UTRN: variants seen among roughly 807,000 people sequenced by gnomAD.
UTRN encodes utrophin.
A neutral mutation model predicts 463.9 loss-of-function variants in UTRN; 283 were observed. The observed-to-expected ratio is 0.61, with a 90% confidence interval of 0.55 to 0.67. The LOEUF (loss-of-function observed/expected upper bound fraction) is 0.67, where lower values mean the gene tolerates loss of function less well. Ranked by LOEUF, UTRN falls within the 30% of genes least tolerant of loss-of-function variation. UTRN has a pLI of 0.00. For missense variants in UTRN, 3,922 were observed against 4,084.3 expected (o/e 0.96, Z 1.08); for synonymous variants, 1,442 against 1,431.5 (o/e 1.01, Z -0.17).
intron 2 of UTRN, chr6:144,311,555 AG>A (rs1806268138): frequency 6.6e-6 from 1 of 152,266 alleles, no homozygotes; most frequent in Non-Finnish European, 1.5e-5. Flanking sequence ...ATGTCACTCA[AG>A]CTGTCTGCAC....
chr6:144,394,228 T>C (rs1440891799), intron 2 of UTRN, among the ~76,000 whole-genome samples: 1 of 152,164 alleles, frequency 6.6e-6, no homozygotes, highest in Non-Finnish European at 1.5e-5. Flanking sequence ...TAGTCTCTTC[T>C]TATGCTGCTA....
At chr6:144,429,106 A>G (rs1052373703) in intron 8 of UTRN, among the ~76,000 whole-genome samples, 1 of 152,212 alleles carries the variant, frequency 6.6e-6, no homozygotes, top group African/African-American at 2.4e-5. Context: ...ATTTAACTAC[A>G]GCACTGGACA....
intron 64 of UTRN, among the ~76,000 whole-genome samples, chr6:144,800,079 TA>T (rs767860052): frequency 1.1e-4 from 17 of 152,208 alleles, no homozygotes; most frequent in Non-Finnish European, 2.1e-4. Flanking sequence ...TAGATATATA[TA>T]AAATCTGCCA....
At chr6:144,686,473 T>C (rs1160656170) in intron 52 of UTRN, among the ~76,000 whole-genome samples, 2 of 152,138 alleles carry the variant, frequency 1.3e-5, no homozygotes, top group Non-Finnish European at 2.9e-5. Flanking sequence ...ATGTGTCTAG[T>C]GCTGTCAGTA....
chr6:144,725,147 A>G (rs1787725018), intron 53 of UTRN, among the ~76,000 whole-genome samples: 1 of 152,178 alleles, frequency 6.6e-6, no homozygotes, highest in Admixed American at 6.5e-5. Context: ...GGTTTTTCCC[A>G]TGCTGTTTTT....
Position 144,793,836 on chromosome 6 carries a change from C to G in UTRN, c.8923C>G (p.Leu2975Val). The G allele has an allele frequency of 6.2e-7, 1 of 1,613,040 alleles. No individual in the cohort carries two copies. Among genetic ancestry groups the G allele is most frequent in the Non-Finnish European group, 8.5e-7 (1 of 1,179,556 alleles). The stretch of plus-strand genomic sequence containing the variant: ...TAACCTCTTGCCTCTCTTTGCAGAT[C>G]TCTTTAAGGAAGTTGCAGGGCCAAC... The part of the protein sequence containing the change: ...KGLLEEKYRY[L>V]FKEVAGPTEM... The change falls in exon 63 of 75, where the codon CTC becomes GTC. Residue 2975 changes from leucine to valine, a missense_variant and splice_region_variant. Physicochemically the swap from Leu to Val is conservative, Grantham distance 32 (BLOSUM62 1). Transcript: ENST00000367545.
chr6:144,840,864 C>T (rs569631335), intron 73 of UTRN, 32 bp downstream of exon 73: 619 of 1,610,900 alleles, frequency 3.8e-4, no homozygotes, highest in Non-Finnish European at 5.1e-4. Context: ...ACCACAGCTG[C>T]ACGTGTTCCT....
At chr6:144,758,548 C>T (rs555642554) in intron 58 of UTRN, among the ~76,000 whole-genome samples, 221 of 152,240 alleles carry the variant, frequency 1.5e-3, no homozygotes, top group African/African-American at 4.8e-3. Context: ...AGCATAGGCT[C>T]ATCATTCTTT....
intron 34 of UTRN, among the ~76,000 whole-genome samples, chr6:144,507,945 T>C (rs1794825482): frequency 6.6e-6 from 1 of 152,120 alleles, no homozygotes; most frequent in Admixed American, 6.5e-5. Context: ...GCCACCCTTC[T>C]TTCAGAGATC....
At chr6:144,713,570 C>T (rs1442846951) in intron 53 of UTRN, among the ~76,000 whole-genome samples, 1 of 150,078 alleles carries the variant, frequency 6.7e-6, no homozygotes, top group Non-Finnish European at 1.5e-5. Flanking sequence ...GCCAAGATCA[C>T]AGCATTGTAC....
intron 56 of UTRN, among the ~76,000 whole-genome samples, chr6:144,752,174 G>A (rs1251301389): frequency 6.6e-6 from 1 of 152,138 alleles, no homozygotes; most frequent in African/African-American, 2.4e-5. Context: ...CTATTCATAT[G>A]ATATTTGTAG....
At chr6:144,757,048 G>A (rs900526675) in intron 57 of UTRN, among the ~76,000 whole-genome samples, 1 of 151,994 alleles carries the variant, frequency 6.6e-6, no homozygotes, top group African/African-American at 2.4e-5. Context: ...AACTGGCTAC[G>A]TGAGGATCTG....
Position 144,708,847 on chromosome 6 carries a change from G to A in UTRN, c.7809+8604G>A, listed in dbSNP as rs561960128. ...AGGCTGGGCTCACAGTTCCAGAGGC[G>A]GGGAAGTTCAAATCAAGGGCCTGTA... On this transcript the variant is annotated intron_variant, in intron 53 of 74. Coordinates refer to ENST00000367545, the MANE Select transcript of UTRN (RefSeq NM_007124.3). Among the ~76,000 whole-genome samples, 4 of 152,228 alleles carry A rather than the reference G, an allele frequency of 2.6e-5. No homozygotes were observed. In the South Asian group the frequency reaches 6.2e-4, roughly 24 times the overall value.
intron 51 of UTRN, among the ~76,000 whole-genome samples, chr6:144,635,290 A>G (rs1777001031): frequency 6.6e-6 from 1 of 151,526 alleles, no homozygotes; most frequent in Non-Finnish European, 1.5e-5. Context: ...AGCTGGGACC[A>G]CAGGCACACA....
intron 65 of UTRN, among the ~76,000 whole-genome samples, chr6:144,817,485 A>C (rs1779190686): frequency 6.6e-6 from 1 of 152,106 alleles, no homozygotes; most frequent in Non-Finnish European, 1.5e-5. Flanking sequence ...TATATTTATT[A>C]TGGTAAGTGG....
chr6:144,461,281 A>T lies in UTRN; in HGVS notation c.2792A>T (p.Gln931Leu). 6.2e-7 allele frequency: 1 copy of T among 1,607,430 alleles called. No individual in the cohort carries two copies. The highest frequency in any genetic ancestry group is 1.3e-5 in the African/African-American group (1 of 74,948). The change falls in exon 22 of 75, where the codon CAG becomes CTG. Residue 931 changes from glutamine (Q) to leucine (L), a missense_variant. Physicochemically the swap from Gln to Leu is moderately radical, Grantham distance 113. This residue lies in a region of UTRN where 2,349 missense variants were observed against 2,303.8 expected (regional missense o/e 1.02). Transcript: ENST00000367545. ...DVLNDSENKAQVSLNVLNDLA... is the reference protein window; with the variant it reads ...DVLNDSENKALVSLNVLNDLA... ...CTAAATGATTCAGAAAATAAGGCCC[A>T]GGTGTCTCTGAATGTCCTTAATGAT...
chr6:144,294,506 T>C (rs1208746399), intron 2 of UTRN, among the ~76,000 whole-genome samples: 1 of 152,186 alleles, frequency 6.6e-6, no homozygotes, highest in East Asian at 1.9e-4. Flanking sequence ...ACATGCTGTA[T>C]GCCAAATTGG....
chr6:144,326,404 G>A (rs1775976852), intron 2 of UTRN, among the ~76,000 whole-genome samples: 1 of 152,000 alleles, frequency 6.6e-6, no homozygotes, highest in Non-Finnish European at 1.5e-5. Flanking sequence ...CCAGGCCTGA[G>A]AAGCTTCATG....
intron 51 of UTRN, among the ~76,000 whole-genome samples, chr6:144,673,308 T>C (rs1339232951): frequency 1.3e-5 from 2 of 152,174 alleles, no homozygotes; most frequent in African/African-American, 4.8e-5. Flanking sequence ...TTGCCATCTG[T>C]CCCATTTCTT....
Sources: gnomAD v4.1 joint callset for allele counts (sites outside exome capture counted in the v4.1 genomes callset) on GRCh38, gnomAD v4.1.1 for gene constraint, gnomAD v4.1.1 regional missense constraint, MANE v1.5 for transcripts, NCBI Gene and HGNC (gene_info 2026-07-23, HGNC 2026-07-21) for gene names.